Variants in DHX9 observed in about 807,000 individuals in gnomAD.
DHX9 encodes the protein ATP-dependent RNA helicase A.
Under a neutral mutation model 148.7 loss-of-function variants are expected in DHX9, and 27 were observed. That is an observed-to-expected ratio of 0.18 (90% CI 0.13 to 0.25). DHX9 has a LOEUF of 0.25. Ranked by LOEUF, DHX9 falls within the 10% of genes least tolerant of loss-of-function variation. The probability of loss-of-function intolerance (pLI) is 1.00; values close to 1 mark genes in which losing one functional copy is unlikely to be tolerated. For synonymous variants in DHX9, 529 were observed against 516.6 expected, an observed-to-expected ratio of 1.02 and a Z score of -0.33; for missense variants, 796 against 1,559.6, an observed-to-expected ratio of 0.51 and a Z score of 8.25.
intron 3 of DHX9, among the ~76,000 whole-genome samples, chr1:182,844,843 A>G (rs2102588333): frequency 6.6e-6 from 1 of 151,862 alleles, no homozygotes; most frequent in East Asian, 1.9e-4. Flanking sequence ...TTGTGTTTTT[A>G]GTAGAGACAG....
chr1:182,867,847 T>TA (rs1259907433), intron 14 of DHX9, among the ~76,000 whole-genome samples: 1 of 152,228 alleles, frequency 6.6e-6, no homozygotes, highest in Non-Finnish European at 1.5e-5. Context: ...AAAAACTGTG[T>TA]AAAATCAACT....
At chr1:182,882,924 A>G (rs1311907444) in intron 24 of DHX9, among the ~76,000 whole-genome samples, 2 of 152,112 alleles carry the variant, frequency 1.3e-5, no homozygotes, top group African/African-American at 4.8e-5. Context: ...ATAAGAGAAT[A>G]GAGACGTTTT....
At chr1:182,852,694 G>T (rs1668176058) in intron 4 of DHX9, among the ~76,000 whole-genome samples, 1 of 152,110 alleles carries the variant, frequency 6.6e-6, no homozygotes, top group South Asian at 2.1e-4. Flanking sequence ...GTGGATCCAG[G>T]CCATTGCAGA....
At chr1:182,884,553 A>G in intron 26 of DHX9, 60 bp from the exon 27 acceptor site, 1 of 1,430,302 alleles carries the variant, frequency 7.0e-7, no homozygotes, top group Non-Finnish European at 9.7e-7. Flanking sequence ...AAGTTGAGAG[A>G]TAATGGTCTT....
intron 3 of DHX9, among the ~76,000 whole-genome samples, chr1:182,844,877 T>C (rs567490774): frequency 6.6e-6 from 1 of 151,752 alleles, no homozygotes; most frequent in African/African-American, 2.4e-5. Flanking sequence ...TGGCCAGGCT[T>C]GTCTTGAACT....
Position 182,852,360 on chromosome 1 carries a change from C to T in DHX9, c.364+16C>T. 6.5e-7 allele frequency: 1 copy of T among 1,541,154 alleles called. No homozygotes were observed. On this transcript the variant is annotated intron_variant, in intron 4 of 27. Coordinates refer to ENST00000367549, the MANE Select transcript of DHX9 (RefSeq NM_001357.5). Reference sequence around the variant, plus strand: ...CTCAAAGCAGGTAAGGGACTTGAATCCATGCACGTGGTGGAGAATAAGATA... The same window carrying T: ...CTCAAAGCAGGTAAGGGACTTGAATTCATGCACGTGGTGGAGAATAAGATA...
At position 182,841,461 on chromosome 1, in the gene DHX9, A is replaced by G. The variant is rs138455374; in HGVS notation, c.-22-1084A>G. Among the ~76,000 whole-genome samples the G allele has an allele frequency of 5.7e-3, 872 of 152,324 alleles. 7 individuals carry two copies. The highest frequency in any genetic ancestry group is 0.018 in the African/African-American group (761 of 41,576). On this transcript the variant is annotated intron_variant, in intron 1 of 27. Transcript: ENST00000367549. ...ATTCACCATGAGGGCTTGTTGTTTAATTATTCACGAGGTGGAATTTCCAGA... is the reference window on the plus strand; with the variant it reads ...ATTCACCATGAGGGCTTGTTGTTTAGTTATTCACGAGGTGGAATTTCCAGA...
At position 182,861,894 on chromosome 1, in the gene DHX9, C is replaced by CT. The variant is rs796610296; in HGVS notation, c.1332+1712dup. On this transcript the variant is annotated intron_variant, in intron 12 of 27. Coordinates refer to ENST00000367549, the MANE Select transcript of DHX9 (RefSeq NM_001357.5). ...AACCTATATTGTGTCCTAGTATGTA[C>CT]TTAGTTTGAAAGTCTCAACTAAACA... Among the ~76,000 whole-genome samples the CT allele has an allele frequency of 3.5e-4, 54 of 152,236 alleles. 1 individual carries two copies. Among genetic ancestry groups the CT allele is most frequent in the African/African-American group, 1.3e-3 (52 of 41,522 alleles).
Position 182,876,257 on chromosome 1 carries a change from C to T in DHX9, c.2023C>T (p.His675Tyr). ...GCAGAAGCATTTGGAAATGAATCCA[C>T]ATTTTGGTATGAGTCTTTGAATTCT... Reference protein sequence around the residue: ...TMQKHLEMNPHFGSHRYQILP... With the variant: ...TMQKHLEMNPYFGSHRYQILP... Residue 675 changes from histidine (H) to tyrosine (Y), a missense_variant, in exon 17 of 28, where the codon CAT (histidine) becomes TAT (tyrosine). This residue lies in a region of DHX9 where 133 missense variants were observed against 223.8 expected (regional missense o/e 0.59). Transcript: ENST00000367549. The T allele has an allele frequency of 1.9e-6, 3 of 1,613,484 alleles. No homozygotes were observed. Among genetic ancestry groups the T allele is most frequent in the Non-Finnish European group, 1.7e-6 (2 of 1,179,658 alleles).
Position 182,887,761 on chromosome 1 carries a change from TA to T in DHX9, c.*328del. On this transcript the variant is annotated 3_prime_UTR_variant, in exon 28 of 28. Transcript: ENST00000367549. ...AGTATTACACCGAATACTTGCCGTG[TA>T]GTTTGTTTGTTGACCTCGTATGTTA... 1 of 226,800 alleles carries T rather than the reference TA, an allele frequency of 4.4e-6. No homozygotes were observed. Among genetic ancestry groups the T allele is most frequent in the South Asian group, 8.4e-5 (1 of 11,862 alleles). The allele number at this position is 226,800 out of a possible 1,614,324, so 14.0% of individuals were successfully genotyped here.
Position 182,852,214 on chromosome 1 carries a change from T to G in DHX9, c.253-19T>G, listed in dbSNP as rs1377397341. On this transcript the variant is annotated intron_variant, in intron 3 of 27. Coordinates refer to ENST00000367549, the MANE Select transcript of DHX9 (RefSeq NM_001357.5). The stretch of plus-strand genomic sequence containing the variant: ...GAAGGCAAAAGCACTGACAGCTGCC[T>G]TGACTTTTTCTTTTGCAGGTAGCAT... The G allele has an allele frequency of 6.3e-7, 1 of 1,577,758 alleles. No individual in the cohort carries two copies. The highest frequency in any genetic ancestry group is 2.3e-5 in the East Asian group (1 of 44,332).
At chr1:182,862,214 T>A (rs1557971435) in intron 12 of DHX9, among the ~76,000 whole-genome samples, 1 of 152,202 alleles carries the variant, frequency 6.6e-6, no homozygotes, top group Non-Finnish European at 1.5e-5. Flanking sequence ...AGTTTTTTTA[T>A]GTTCCTGATT....
In DHX9 at chr1:182,877,933, T is replaced by C. The variant is rs1571319537; in HGVS notation, c.2199-88T>C. On this transcript the variant is annotated intron_variant, in intron 19 of 27. Coordinates refer to ENST00000367549, the MANE Select transcript of DHX9 (RefSeq NM_001357.5). ...ACAAGTAGGTATGGCTTTAACTACATAGTGGAAAGCATTCACTACTTAGTG... is the reference window on the plus strand; with the variant it reads ...ACAAGTAGGTATGGCTTTAACTACACAGTGGAAAGCATTCACTACTTAGTG... 5 of 1,429,044 alleles carry C rather than the reference T, an allele frequency of 3.5e-6. 1 individual carries two copies. The allele number at this position is 1,429,044 out of a possible 1,614,324, so 88.5% of individuals were successfully genotyped here. A position where few individuals can be genotyped will look rare whatever the true frequency, so the allele number is the denominator to read the frequency against.
rs570139344 is a variant in DHX9 at position 182,883,567 on chromosome 1, C to G, written c.3192C>G (p.Pro1064=). The change falls in exon 26 of 28, where the codon CCC becomes CCG. Residue 1064 remains proline, a synonymous_variant. Transcript: ENST00000367549. ...CTAAAGGCATGACTTTAGTCACCCC[C>G]CTGCAGTTGCTTCTCTTTGCCTCCA... ...ISAKGMTLVT[P]LQLLLFASKK... is the part of the protein sequence containing the mutation. 3.7e-6 allele frequency: 6 copies of G among 1,613,720 alleles called. No individual in the cohort carries two copies. In the East Asian group the frequency reaches 1.1e-4, roughly 30 times the overall value.
At chr1:182,843,518 T>C in intron 3 of DHX9, 84 bp downstream of exon 3, 1 of 1,253,766 alleles carries the variant, frequency 8.0e-7, no homozygotes. Context: ...AGATAGTAAT[T>C]TTTCACTGTT....
At chr1:182,858,663 C>G (rs1054702964) in intron 9 of DHX9, 23 bp downstream of exon 9, 1 of 1,608,640 alleles carries the variant, frequency 6.2e-7, no homozygotes, top group Non-Finnish European at 8.5e-7. Context: ...CTGTTTAGTT[C>G]ACATTTACGT....
At chr1:182,867,183 T>A (rs1235579872) in intron 14 of DHX9, 140 bp downstream of exon 14, 1 of 554,662 alleles carries the variant, frequency 1.8e-6, no homozygotes, top group East Asian at 3.1e-5. Flanking sequence ...GTTGAAAATC[T>A]TTTTTTAGTG....
chr1:182,876,964 G>C (rs1167953194), intron 19 of DHX9, 61 bp downstream of exon 19: 6 of 1,241,378 alleles, frequency 4.8e-6, no homozygotes, highest in African/African-American at 3.0e-5. Context: ...CTTCTTACCA[G>C]TTAACAGAAT....
intron 3 of DHX9, 28 bp downstream of exon 3, chr1:182,843,462 A>G (rs759402103): frequency 1.3e-6 from 2 of 1,536,990 alleles, no homozygotes; most frequent in Non-Finnish European, 1.7e-6. Flanking sequence ...AGCACTTGAG[A>G]TGTATGTTGT....
Sources: allele counts gnomAD v4.1 joint callset (sites outside exome capture counted in the v4.1 genomes callset), GRCh38; gene constraint gnomAD v4.1.1; regional missense constraint gnomAD v4.1.1; transcripts MANE v1.5; gene names NCBI Gene and HGNC (gene_info 2026-07-23, HGNC 2026-07-21).